Variants in EEF1G observed in about 807,000 individuals in gnomAD.
The protein encoded by EEF1G is elongation factor 1-gamma.
Under a neutral mutation model 58.3 loss-of-function variants are expected in EEF1G, and 14 were observed. The observed-to-expected ratio is 0.24, with a 90% confidence interval of 0.16 to 0.38. The LOEUF is 0.38. EEF1G is among the 10% of genes least tolerant of loss of function. The probability of loss-of-function intolerance (pLI) is 1.00; values close to 1 mark genes in which losing one functional copy is unlikely to be tolerated. For synonymous variants in EEF1G, 180 were observed against 206.8 expected, an observed-to-expected ratio of 0.87 and a Z score of 1.11; for missense variants, 322 against 550.1, an observed-to-expected ratio of 0.59 and a Z score of 4.15.
intron 5 of EEF1G, among the ~76,000 whole-genome samples, chr11:62,568,834 A>G (rs1160293201): frequency 1.3e-5 from 2 of 151,984 alleles, no homozygotes; most frequent in Admixed American, 1.3e-4. Flanking sequence ...TCAGCCAGGC[A>G]TGGTTGCACA....
rs191917245 is a variant in EEF1G, at chr11:62,564,397, G to A, written c.857+2409C>T. On this transcript the variant is annotated intron_variant, in intron 7 of 9. Transcript: ENST00000329251. ...GAGAATTGCTTCAACCCAGGAGGCG[G>A]AGACTGCAGTAAGCCGAGATCACAC... Among the ~76,000 whole-genome samples the A allele has an allele frequency of 2.9e-4, 43 of 150,300 alleles. No individual in the cohort carries two copies. In the East Asian group the frequency reaches 8.5e-3, roughly 30 times the overall value.
At chr11:62,569,634 T>C (rs944919645) in intron 5 of EEF1G, among the ~76,000 whole-genome samples, 2 of 152,220 alleles carry the variant, frequency 1.3e-5, no homozygotes, top group Admixed American at 6.5e-5. Context: ...TGTCATTTTT[T>C]AGTTTGCAAA....
At chr11:62,562,042 AAGCCTTGAGTTGTGTCCCGCAT>A (rs1418660972) in intron 7 of EEF1G, among the ~76,000 whole-genome samples, 1 of 152,206 alleles carries the variant, frequency 6.6e-6, no homozygotes, top group African/African-American at 2.4e-5. Flanking sequence ...TAACAACATA[AAGCCTTGAGTTGTGTCCCGCAT>A]AGCCCCATAT....
intron 5 of EEF1G, among the ~76,000 whole-genome samples, chr11:62,569,731 C>G (rs7942991): frequency 6.6e-6 from 1 of 152,100 alleles, no homozygotes; most frequent in Non-Finnish European, 1.5e-5. Context: ...TCAAATTCTA[C>G]TCTACCACTT....
intron 7 of EEF1G, among the ~76,000 whole-genome samples, chr11:62,566,447 C>G (rs1484799615): frequency 6.6e-6 from 1 of 152,078 alleles, no homozygotes; most frequent in Non-Finnish European, 1.5e-5. Context: ...CACCGCAAGG[C>G]TCTCTGCACT....
chr11:62,570,818 T>A (rs1941618461), intron 5 of EEF1G, 147 bp downstream of exon 5: 1 of 1,096,806 alleles, frequency 9.1e-7, no homozygotes, highest in East Asian at 2.4e-5. Flanking sequence ...GGCCCCCCAG[T>A]GTGCTCGGAT....
chr11:62,563,616 T>C (rs1415319100), intron 7 of EEF1G, among the ~76,000 whole-genome samples: 1 of 152,248 alleles, frequency 6.6e-6, no homozygotes, highest in Non-Finnish European at 1.5e-5. Context: ...GATTGTGCCA[T>C]AAATCTACTA....
intron 5 of EEF1G, among the ~76,000 whole-genome samples, 199 bp downstream of exon 5, chr11:62,570,766 G>A (rs1454393649): frequency 6.6e-6 from 1 of 152,130 alleles, no homozygotes; most frequent in Non-Finnish European, 1.5e-5. Context: ...ATGTTGGCCA[G>A]GCTGGTCTCA....
Position 62,571,077 on chromosome 11 carries a change from C to T in EEF1G, c.410G>A (p.Arg137Gln), listed in dbSNP as rs1941624212. The T allele has an allele frequency of 4.3e-6, 7 of 1,613,922 alleles. No homozygotes were observed. The highest frequency in any genetic ancestry group is 4.2e-6 in the Non-Finnish European group (5 of 1,179,866). Residue 137 changes from arginine to glutamine, a missense_variant, in exon 5 of 10, where the codon CGA becomes CAA. Physicochemically the swap from Arg to Gln is conservative, Grantham distance 43. Around this residue, in one of 3 missense-constraint regions of EEF1G, gnomAD observed 52 missense variants for 139.4 expected, o/e 0.37. Transcript: ENST00000329251. ...GTAAGCATCCAGCAGCCCCAGAATT[C>T]GCCTCACTTCCTCCTTTGCATTCTC... is the stretch of plus-strand genomic sequence containing the variant. ...ATENAKEEVR[R>Q]ILGLLDAYLK...
chr11:62,569,403 G>C (rs1941599317), intron 5 of EEF1G, among the ~76,000 whole-genome samples: 1 of 152,176 alleles, frequency 6.6e-6, no homozygotes, highest in East Asian at 1.9e-4. Flanking sequence ...GAACCTGGGA[G>C]GTGGAGGTTG....
intron 4 of EEF1G, 136 bp downstream of exon 4, chr11:62,571,404 T>C (rs1941629334): frequency 1.5e-6 from 2 of 1,358,412 alleles, no homozygotes; most frequent in Non-Finnish European, 2.0e-6. Flanking sequence ...TTCAAACTCG[T>C]ACCCTAGAGA....
At chr11:62,561,682 CAAAAAAAAAAA>C (rs58957254) in intron 7 of EEF1G, among the ~76,000 whole-genome samples, 1 of 124,608 alleles carries the variant, frequency 8.0e-6, no homozygotes, top group African/African-American at 2.9e-5. Context: ...AAAAAAAAAA[CAAAAAAAAAAA>C]AAACAACCAA....
chr11:62,566,713 A>C (rs1321193328), intron 7 of EEF1G, 93 bp downstream of exon 7: 1 of 1,189,248 alleles, frequency 8.4e-7, no homozygotes, highest in Non-Finnish European at 1.2e-6. Context: ...GGACAACCTA[A>C]AATTCTGGCT....
Position 62,572,740 on chromosome 11 carries a change from G to A in EEF1G, c.15C>T (p.Thr5=), listed in dbSNP as rs748652907. The change falls in exon 2 of 10, where the codon ACC becomes ACT. Residue 5 remains threonine (T), a splice_region_variant and synonymous_variant. Coordinates refer to ENST00000329251, the MANE Select transcript of EEF1G (RefSeq NM_001404.5). ...TCCAGTTTTCAGGATACGTGTACAG[G>A]GTCTATGGGAGAAAGAGAGGGACAA... MAAG[T]LYTYPENWRA... The A allele has an allele frequency of 1.4e-5, 23 of 1,606,274 alleles. No homozygotes were observed. The highest frequency in any genetic ancestry group is 5.0e-5 in the Admixed American group (3 of 59,716).
At chr11:62,573,643 G>T in intron 1 of EEF1G, 188 bp downstream of exon 1, 1 of 784,168 alleles carries the variant, frequency 1.3e-6, no homozygotes, top group Non-Finnish European at 2.1e-6. Flanking sequence ...TCCACCTCTG[G>T]CCTCCGAGAG....
intron 7 of EEF1G, among the ~76,000 whole-genome samples, chr11:62,564,488 A>G (rs1234973126): frequency 6.0e-5 from 9 of 148,864 alleles, no homozygotes; most frequent in Non-Finnish European, 4.5e-5. Flanking sequence ...AAAGGCCGGG[A>G]GCAGTGGCTC....
At chr11:62,561,723 G>A (rs1291526501) in intron 7 of EEF1G, among the ~76,000 whole-genome samples, 1 of 149,402 alleles carries the variant, frequency 6.7e-6, no homozygotes, top group African/African-American at 2.5e-5. Context: ...ATATGTGTGT[G>A]TGCATACATG....
chr11:62,568,277 A>G (rs566976376), intron 5 of EEF1G, among the ~76,000 whole-genome samples: 2 of 148,402 alleles, frequency 1.3e-5, no homozygotes, highest in South Asian at 4.3e-4. Flanking sequence ...AGTCCCAGCT[A>G]CTCCAGAGGC....
At chr11:62,569,056 T>C (rs1306989901) in intron 5 of EEF1G, among the ~76,000 whole-genome samples, 1 of 151,672 alleles carries the variant, frequency 6.6e-6, no homozygotes, top group Non-Finnish European at 1.5e-5. Context: ...AGGTATTTAC[T>C]ATCTATATTG....
Sources: gnomAD v4.1 joint callset for allele counts (sites outside exome capture counted in the v4.1 genomes callset) on GRCh38, gnomAD v4.1.1 for gene constraint, gnomAD v4.1.1 regional missense constraint, MANE v1.5 for transcripts, NCBI Gene and HGNC (gene_info 2026-07-23, HGNC 2026-07-21) for gene names.